The following ZRANB3 variants were observed in gnomAD, a reference collection of about 807,000 sequenced individuals.
ZRANB3 encodes DNA annealing helicase and endonuclease ZRANB3.
A neutral mutation model predicts 133.8 loss-of-function variants in ZRANB3; 125 were observed. The observed-to-expected ratio is 0.93, with a 90% CI of 0.81 to 1.08. The LOEUF (loss-of-function observed/expected upper bound fraction) is 1.08, where lower values mean the gene tolerates loss of function less well. Among genes scored for constraint, ZRANB3 ranks in the 50% least tolerant of loss-of-function variants. The pLI, the probability that ZRANB3 is intolerant of heterozygous loss-of-function variation, is 0.00. For missense variants in ZRANB3, 1,229 were observed against 1,275.5 expected (o/e 0.96, Z 0.56); for synonymous variants, 387 against 432.7 (o/e 0.89, Z 1.31).
chr2:135,525,976 G>A (rs1348707367), intron 1 of ZRANB3, among the ~76,000 whole-genome samples: 1 of 151,918 alleles, frequency 6.6e-6, no homozygotes, highest in African/African-American at 2.4e-5. Context: ...ACTTACATGA[G>A]GTATCTAAAG....
At chr2:135,345,448 A>T in intron 6 of ZRANB3, 102 bp downstream of exon 6, 1 of 784,346 alleles carries the variant, frequency 1.3e-6, no homozygotes, top group Non-Finnish European at 2.0e-6. Flanking sequence ...AGCCTGGGCG[A>T]TGGGAGTGAG....
rs141911154 is a variant in ZRANB3, at chr2:135,315,668, C to T, written c.678-138G>A. 3.5e-3 allele frequency: 2,349 copies of T among 665,412 alleles called. 19 individuals are homozygous for T. The highest frequency in any genetic ancestry group is 0.015 in the Middle Eastern group (35 of 2,274). The allele number at this position is 665,412 out of a possible 1,614,324, so 41.2% of individuals were successfully genotyped here. On this transcript the variant is annotated intron_variant, in intron 6 of 20. Transcript: ENST00000264159. The stretch of plus-strand genomic sequence containing the variant: ...GATATTTCTGAATGAATATTAGTTT[C>T]AAAAAGCTCAGCCTGAAAAACAGTA...
At chr2:135,359,049 C>G (rs1685561751) in intron 3 of ZRANB3, among the ~76,000 whole-genome samples, 1 of 151,828 alleles carries the variant, frequency 6.6e-6, no homozygotes, top group African/African-American at 2.4e-5. Context: ...CTTGTTATGT[C>G]AGTAATAAAC....
intron 3 of ZRANB3, among the ~76,000 whole-genome samples, chr2:135,355,945 C>T (rs187726765): frequency 9.3e-4 from 142 of 152,256 alleles, no homozygotes; most frequent in African/African-American, 3.3e-3. Context: ...ATCACTAGAA[C>T]CTCAGCTTCT....
intron 2 of ZRANB3, among the ~76,000 whole-genome samples, chr2:135,397,789 AAGCTACAG>A (rs926288439): frequency 5.9e-5 from 9 of 152,130 alleles, no homozygotes; most frequent in African/African-American, 1.9e-4. Flanking sequence ...TGCTTTCAAT[AAGCTACAG>A]TATTCTGCTG....
chr2:135,471,146 T>C (rs1229159923), intron 2 of ZRANB3, among the ~76,000 whole-genome samples: 1 of 150,430 alleles, frequency 6.6e-6, no homozygotes, highest in South Asian at 2.1e-4. Context: ...ACCAAGGCAA[T>C]GAAAGAAATT....
At chr2:135,518,982 C>A (rs1483895926) in intron 1 of ZRANB3, among the ~76,000 whole-genome samples, 2 of 152,144 alleles carry the variant, frequency 1.3e-5, no homozygotes, top group African/African-American at 4.8e-5. Flanking sequence ...GAAACTGTTT[C>A]TGTCCCTCAG....
chr2:135,400,465 C>T (rs1461392874), intron 2 of ZRANB3, among the ~76,000 whole-genome samples: 2 of 151,994 alleles, frequency 1.3e-5, no homozygotes, highest in Non-Finnish European at 2.9e-5. Context: ...CCTGCCTCAG[C>T]CTCCCAAGTA....
intron 12 of ZRANB3, among the ~76,000 whole-genome samples, chr2:135,258,896 A>G (rs1679796626): frequency 6.6e-6 from 1 of 152,234 alleles, no homozygotes. Context: ...CAACTGGACA[A>G]TATGCAGGAA....
At chr2:135,335,876 A>G (rs914338786) in intron 6 of ZRANB3, among the ~76,000 whole-genome samples, 1 of 152,114 alleles carries the variant, frequency 6.6e-6, no homozygotes, top group East Asian at 1.9e-4. Context: ...CCATTCCCTA[A>G]GTTTTCATTA....
intron 2 of ZRANB3, among the ~76,000 whole-genome samples, chr2:135,471,800 T>A (rs1691283633): frequency 3.3e-5 from 5 of 152,216 alleles, no homozygotes; most frequent in African/African-American, 9.6e-5. Flanking sequence ...ACAAAGGGAA[T>A]ATCTAGATCT....
intron 3 of ZRANB3, among the ~76,000 whole-genome samples, chr2:135,380,848 C>T (rs990329052): frequency 4.6e-5 from 7 of 152,100 alleles, no homozygotes; most frequent in African/African-American, 1.7e-4. Flanking sequence ...ACACAAAACA[C>T]CCTTCAAAAA....
chr2:135,390,679 C>T, intron 3 of ZRANB3, 123 bp downstream of exon 3: 3 of 1,320,284 alleles, frequency 2.3e-6, no homozygotes, highest in South Asian at 2.8e-5. Context: ...CCATCTTTCT[C>T]TCTCTCCCCA....
chr2:135,372,843 T>C (rs1224393828), intron 3 of ZRANB3, among the ~76,000 whole-genome samples: 1 of 150,966 alleles, frequency 6.6e-6, no homozygotes, highest in Non-Finnish European at 1.5e-5. Context: ...CCTAGCACTT[T>C]GGGAGGCCAA....
chr2:135,282,438 G>C lies in ZRANB3; in HGVS notation c.967-6683C>G, dbSNP rs140207079. ...ATCTGGTAGGAGACAGCCTTCAGGA[G>C]AAGACTGGCAGTTTCCATACCATAA... is the stretch of plus-strand genomic sequence containing the variant. On this transcript the variant is annotated intron_variant, in intron 8 of 20. Coordinates refer to ENST00000264159, the MANE Select transcript of ZRANB3 (RefSeq NM_032143.4). Among the ~76,000 whole-genome samples the C allele has an allele frequency of 1.3e-3, 203 of 152,274 alleles. 5 individuals carry two copies. In the East Asian group the frequency reaches 0.038, roughly 29 times the overall value.
intron 2 of ZRANB3, among the ~76,000 whole-genome samples, chr2:135,479,740 T>C (rs934728260): frequency 6.6e-6 from 1 of 152,010 alleles, no homozygotes; most frequent in African/African-American, 2.4e-5. Context: ...AGTCTCTCTA[T>C]AGACACTCTT....
chr2:135,455,883 C>T (rs949008226), intron 2 of ZRANB3, among the ~76,000 whole-genome samples: 8 of 152,140 alleles, frequency 5.3e-5, no homozygotes, highest in East Asian at 1.9e-4. Context: ...CATGAGCCAC[C>T]GCGCCCGGCC....
chr2:135,355,230 C>T (rs898909019), intron 3 of ZRANB3: 1 of 985,202 alleles, frequency 1.0e-6, no homozygotes, highest in Non-Finnish European at 1.2e-6. Flanking sequence ...TTTACACATT[C>T]GTTGGATAAT....
chr2:135,481,022 C>T (rs1446336171), intron 2 of ZRANB3, among the ~76,000 whole-genome samples: 6 of 151,866 alleles, frequency 4.0e-5, no homozygotes, highest in Non-Finnish European at 5.9e-5. Flanking sequence ...CATTGTTGGA[C>T]ATTTAGGTTG....
Sources: gnomAD v4.1 joint callset for allele counts (sites outside exome capture counted in the v4.1 genomes callset) on GRCh38, gnomAD v4.1.1 for gene constraint, MANE v1.5 for transcripts, NCBI Gene and HGNC (gene_info 2026-07-23, HGNC 2026-07-21) for gene names.